Variants in ATP6V0A4 observed in about 807,000 individuals in gnomAD.
ATP6V0A4 encodes the protein V-type proton ATPase 116 kDa subunit a 4.
Under a neutral mutation model 107.3 loss-of-function variants are expected in ATP6V0A4, and 86 were observed. That is an observed-to-expected ratio of 0.80 (90% CI 0.67 to 0.96). The LOEUF (loss-of-function observed/expected upper bound fraction) is 0.96. Among genes scored for constraint, ATP6V0A4 ranks in the 40% least tolerant of loss-of-function variants. ATP6V0A4 has a pLI of 0.00. For missense variants in ATP6V0A4, 908 were observed against 1,045.6 expected (o/e 0.87, Z 1.81); for synonymous variants, 353 against 381.4 (o/e 0.93, Z 0.87).
Position 138,709,512 on chromosome 7 carries a change from T to C in ATP6V0A4, c.2429+112A>G, listed in dbSNP as rs186273552. 2.6e-4 allele frequency: 251 copies of C among 959,792 alleles called. No homozygotes were observed. The African/African-American group carries it at 3.0e-3, about 11-fold the overall frequency. 59.5% of individuals were successfully genotyped at this position (959,792 alleles called of 1,614,324 possible). A position where few individuals can be genotyped will look rare whatever the true frequency, so the allele number is the denominator to read the frequency against. On this transcript the variant is annotated intron_variant, in intron 21 of 21. Transcript: ENST00000310018. ...ACTAAACTAAGGCTCCAAAGAGGTA[T>C]GTAAGCTGCTAAAGTCACATACAGC...
intron 15 of ATP6V0A4, among the ~76,000 whole-genome samples, chr7:138,739,097 C>T (rs1805487305): frequency 1.3e-5 from 2 of 152,196 alleles, no homozygotes; most frequent in Non-Finnish European, 1.5e-5. Flanking sequence ...TTTTAAAAAG[C>T]GTCAATTCTA....
At chr7:138,738,995 T>C (rs1042955208) in intron 15 of ATP6V0A4, among the ~76,000 whole-genome samples, 2 of 152,238 alleles carry the variant, frequency 1.3e-5, no homozygotes, top group African/African-American at 4.8e-5. Context: ...AACCGCTTTA[T>C]ATCTACAGGC....
At chr7:138,784,368 G>A (rs1200500864) in intron 2 of ATP6V0A4, among the ~76,000 whole-genome samples, 3 of 147,622 alleles carry the variant, frequency 2.0e-5, no homozygotes, top group Non-Finnish European at 4.5e-5. Context: ...ACATAGGCTG[G>A]GGTGCAGTGG....
intron 5 of ATP6V0A4, among the ~76,000 whole-genome samples, chr7:138,765,350 A>G (rs1807033044): frequency 6.6e-6 from 1 of 152,192 alleles, no homozygotes; most frequent in Admixed American, 6.5e-5. Flanking sequence ...TTCATTTCCC[A>G]ATCATTTCCT....
intron 15 of ATP6V0A4, among the ~76,000 whole-genome samples, chr7:138,735,457 A>G (rs982946268): frequency 6.6e-6 from 1 of 152,206 alleles, no homozygotes; most frequent in Non-Finnish European, 1.5e-5. Context: ...CCAACCAGAC[A>G]CAACCTCAGA....
chr7:138,723,514 CTTTCT>C (rs1463277388), intron 18 of ATP6V0A4, among the ~76,000 whole-genome samples: 1 of 107,302 alleles, frequency 9.3e-6, no homozygotes, highest in African/African-American at 3.5e-5. Context: ...CTGGACCCTT[CTTTCT>C]TTTCTTTTTT....
intron 13 of ATP6V0A4, among the ~76,000 whole-genome samples, chr7:138,745,819 C>T (rs141321607): frequency 1.4e-5 from 2 of 146,786 alleles, no homozygotes; most frequent in Non-Finnish European, 3.0e-5. Flanking sequence ...GTGGTATGCA[C>T]GTTAGTCGCA....
chr7:138,717,181 C>T (rs144311913), intron 19 of ATP6V0A4, among the ~76,000 whole-genome samples: 3 of 152,138 alleles, frequency 2.0e-5, no homozygotes, highest in Non-Finnish European at 4.4e-5. Flanking sequence ...GTGGAACTAC[C>T]GAAGCCCCGA....
intron 15 of ATP6V0A4, among the ~76,000 whole-genome samples, chr7:138,734,604 C>T (rs889880078): frequency 1.8e-4 from 28 of 151,906 alleles, no homozygotes; most frequent in Admixed American, 6.6e-5. Context: ...TGGCGAAACC[C>T]TGTCTCTACA....
chr7:138,755,992 A>T, intron 9 of ATP6V0A4: 1 of 821,864 alleles, frequency 1.2e-6, no homozygotes, highest in Non-Finnish European at 1.9e-6. Flanking sequence ...CAGTTCTGTT[A>T]TATGAATGAG....
intron 20 of ATP6V0A4, 169 bp from the exon 21 acceptor site, chr7:138,709,964 TCAG>T (rs1803657982): frequency 5.7e-6 from 2 of 353,576 alleles, no homozygotes; most frequent in African/African-American, 2.2e-5. Context: ...TCCTCCTGTC[TCAG>T]CCTCCCAAAG....
chr7:138,783,199 T>C (rs1808000864), intron 2 of ATP6V0A4, among the ~76,000 whole-genome samples: 1 of 152,110 alleles, frequency 6.6e-6, no homozygotes, highest in African/African-American at 2.4e-5. Context: ...TTTTATTTAT[T>C]TATTTTCAGG....
At chr7:138,711,082 C>T (rs114138251) in intron 20 of ATP6V0A4, among the ~76,000 whole-genome samples, 2,053 of 152,226 alleles carry the variant, frequency 0.013, 57 homozygotes, top group African/African-American at 0.048. Context: ...ACCGTCCCCC[C>T]ACCCCCACTT....
At chr7:138,723,920 T>G (rs1804567935) in intron 18 of ATP6V0A4, among the ~76,000 whole-genome samples, 1 of 151,758 alleles carries the variant, frequency 6.6e-6, no homozygotes, top group African/African-American at 2.4e-5. Flanking sequence ...GTTGAAATAT[T>G]TAAAAGTTAT....
chr7:138,787,701 A>T (rs1307503655), intron 1 of ATP6V0A4, among the ~76,000 whole-genome samples: 4 of 152,142 alleles, frequency 2.6e-5, no homozygotes, highest in African/African-American at 9.7e-5. Flanking sequence ...AAGCATTTTC[A>T]AAAAAGAAAA....
chr7:138,731,933 T>C (rs1036595207), intron 17 of ATP6V0A4, among the ~76,000 whole-genome samples: 1 of 138,392 alleles, frequency 7.2e-6, no homozygotes, highest in Non-Finnish European at 1.5e-5. Context: ...AATAAATAAA[T>C]AAATAAATAA....
At chr7:138,758,746 T>C (rs1806633741) in intron 8 of ATP6V0A4, among the ~76,000 whole-genome samples, 1 of 95,524 alleles carries the variant, frequency 1.0e-5, no homozygotes, top group African/African-American at 4.3e-5. Context: ...AGAATTTTTT[T>C]TTTTTTTTTT....
chr7:138,791,323 AAAG>A (rs1808402113), intron 1 of ATP6V0A4, among the ~76,000 whole-genome samples: 1 of 152,344 alleles, frequency 6.6e-6, no homozygotes, highest in East Asian at 1.9e-4. Context: ...GATAAAGAAT[AAAG>A]AAGAAGGTAA....
At chr7:138,787,262 C>T (rs762595421) in intron 1 of ATP6V0A4, among the ~76,000 whole-genome samples, 11 of 152,202 alleles carry the variant, frequency 7.2e-5, no homozygotes, top group Non-Finnish European at 1.5e-4. Flanking sequence ...CACGTATCCC[C>T]TCTGCAGAGT....
Sources: allele counts gnomAD v4.1 joint callset (sites outside exome capture counted in the v4.1 genomes callset), GRCh38; gene constraint gnomAD v4.1.1; transcripts MANE v1.5; gene names NCBI Gene and HGNC (gene_info 2026-07-23, HGNC 2026-07-21).